LYST: variants seen among roughly 807,000 people sequenced by gnomAD.
LYST encodes the protein lysosomal-trafficking regulator.
Under a neutral mutation model 413.6 loss-of-function variants are expected in LYST, and 192 were observed. That is an observed-to-expected ratio of 0.46 (90% CI 0.41 to 0.52). LYST has a LOEUF of 0.52. LYST is among the 20% of genes least tolerant of loss of function. The probability of loss-of-function intolerance (pLI) is 0.00; values close to 1 mark genes in which losing one functional copy is unlikely to be tolerated. For missense variants in LYST, 3,815 were observed against 4,499.9 expected, an observed-to-expected ratio of 0.85 and a Z score of 4.35; for synonymous variants, 1,525 against 1,567.3, an observed-to-expected ratio of 0.97 and a Z score of 0.64.
intron 3 of LYST, among the ~76,000 whole-genome samples, chr1:235,816,905 A>AACT (rs1287417509): frequency 6.6e-6 from 1 of 152,262 alleles, no homozygotes; most frequent in African/African-American, 2.4e-5. Flanking sequence ...GCTTCTGCAC[A>AACT]GCAAAGGAAA....
intron 20 of LYST, 87 bp from the exon 21 acceptor site, chr1:235,766,364 G>C (rs940426424): frequency 2.5e-5 from 24 of 964,194 alleles, no homozygotes; most frequent in Non-Finnish European, 3.8e-5. Flanking sequence ...TTCTTTTTAA[G>C]ATAGAATTCT....
intron 10 of LYST, among the ~76,000 whole-genome samples, chr1:235,799,840 T>C (rs185849427): frequency 4.0e-5 from 6 of 150,928 alleles, no homozygotes; most frequent in Admixed American, 4.0e-4. Context: ...GCACTCTGGC[T>C]ATTTCATTGT....
At chr1:235,832,818 C>T (rs1676134691) in intron 2 of LYST, among the ~76,000 whole-genome samples, 2 of 152,020 alleles carry the variant, frequency 1.3e-5, no homozygotes, top group Non-Finnish European at 2.9e-5. Context: ...GTAGGTTTTA[C>T]ATATTTCTTG....
chr1:235,708,821 G>C (rs1370829391), intron 44 of LYST, among the ~76,000 whole-genome samples: 1 of 152,082 alleles, frequency 6.6e-6, no homozygotes, highest in Non-Finnish European at 1.5e-5. Flanking sequence ...TAATAAACCT[G>C]AGCTGGAAGG....
Position 235,806,419 on chromosome 1 carries a change from A to G in LYST, c.2717T>C (p.Phe906Ser). The change falls in exon 6 of 53, where the codon TTT becomes TCT. Residue 906 changes from phenylalanine to serine, a missense_variant. Coordinates refer to ENST00000389793, the MANE Select transcript of LYST (RefSeq NM_000081.4). ...NTINLFLCVAFLCVSKEAESD... is the reference protein window; with the variant it reads ...NTINLFLCVASLCVSKEAESD... ...CTCTGCTTCTTTACTTACGCATAAA[A>G]AAGCCACACAGAGGAATAGGTTTAT... The G allele has an allele frequency of 6.2e-7, 1 of 1,614,090 alleles. No homozygotes were observed. The highest frequency in any genetic ancestry group is 8.5e-7 in the Non-Finnish European group (1 of 1,180,002).
chr1:235,792,091 T>C lies in LYST; in HGVS notation c.4151A>G (p.Glu1384Gly), dbSNP rs1671065428. The change falls in exon 12 of 53, where the codon GAA becomes GGA. Residue 1384 changes from glutamate (E) to glycine (G), a missense_variant. Transcript: ENST00000389793. ...TGAAGGGCTCATAGTAGTATCACTT[T>C]CAATAATTTTCAGAATACCCAGAAG... ...ILLLGILKII[E>G]SDTTMSPSQY... 1 of 1,612,502 alleles carries C rather than the reference T, an allele frequency of 6.2e-7. No homozygotes were observed. Among genetic ancestry groups the C allele is most frequent in the Non-Finnish European group, 8.5e-7 (1 of 1,178,928 alleles).
chr1:235,770,292 A>T lies in LYST; in HGVS notation c.5790T>A (p.Gly1930=), dbSNP rs1211536809. The T allele has an allele frequency of 6.2e-7, 1 of 1,613,788 alleles. No homozygotes were observed. The change falls in exon 20 of 53, where the codon GGT becomes GGA. Residue 1930 remains glycine, a synonymous_variant. Coordinates refer to ENST00000389793, the MANE Select transcript of LYST (RefSeq NM_000081.4). ...DWKIWSKAEQ[G]VWETLLAALE... is the part of the protein sequence containing the mutation. ...GAGCTGCTAGCAAAGTTTCCCAAAC[A>T]CCTTGCTGAAGAGATAAACACACAC...
intron 26 of LYST, among the ~76,000 whole-genome samples, chr1:235,752,651 T>C (rs560136753): frequency 6.6e-6 from 1 of 152,152 alleles, no homozygotes; most frequent in South Asian, 2.1e-4. Flanking sequence ...CTAAAAGAGG[T>C]AATAGATTTG....
intron 45 of LYST, among the ~76,000 whole-genome samples, chr1:235,701,648 A>G (rs538512283): frequency 2.8e-4 from 42 of 152,260 alleles, no homozygotes; most frequent in Non-Finnish European, 2.9e-4. Flanking sequence ...CAATCAATCA[A>G]TCAAGTGACA....
At chr1:235,800,166 T>G (rs1432209971) in intron 10 of LYST, among the ~76,000 whole-genome samples, 154 bp downstream of exon 10, 1 of 151,390 alleles carries the variant, frequency 6.6e-6, no homozygotes, top group South Asian at 2.1e-4. Flanking sequence ...AGGCTGGTAT[T>G]GAACTCCCAG....
rs1412638695 is a variant in LYST, at chr1:235,739,131, T to A, written c.8358+2291A>T. ...TGGGAAAAACATCAATTCCTAAGGTTAGAAATAGGAATGGTTTGTAAAATC... is the reference window on the plus strand; with the variant it reads ...TGGGAAAAACATCAATTCCTAAGGTAAGAAATAGGAATGGTTTGTAAAATC... On this transcript the variant is annotated intron_variant, in intron 31 of 52. Transcript: ENST00000389793. 32 of 495,124 alleles carry A rather than the reference T, an allele frequency of 6.5e-5. No homozygotes were observed. In the East Asian group the frequency reaches 1.8e-3, roughly 27 times the overall value. The allele number at this position is 495,124 out of a possible 1,614,324, so 30.7% of individuals were successfully genotyped here.
At chr1:235,673,411 T>C (rs1475813529) in intron 50 of LYST, among the ~76,000 whole-genome samples, 3 of 152,076 alleles carry the variant, frequency 2.0e-5, no homozygotes, top group African/African-American at 4.8e-5. Flanking sequence ...CGCCCCCTTA[T>C]CCCGCCTATG....
rs1035473193 is a variant in LYST, at chr1:235,689,951, G to A, written c.10702-2904C>T. On this transcript the variant is annotated intron_variant, in intron 47 of 52. Transcript: ENST00000389793. Reference sequence around the variant, plus strand: ...ACTGGTGAAAATAAATTAGTGAATCGGAAAGCATCTTTAAAGTTATTTGTT... The same window carrying A: ...ACTGGTGAAAATAAATTAGTGAATCAGAAAGCATCTTTAAAGTTATTTGTT... 4.6e-5 allele frequency among the ~76,000 whole-genome samples: 7 copies of A among 152,084 alleles called. No individual in the cohort carries two copies. The East Asian group carries it at 5.8e-4, about 13-fold the overall frequency.
Position 235,799,567 on chromosome 1 carries a change from A to G in LYST, c.4006+753T>C, listed in dbSNP as rs114205329. Among the ~76,000 whole-genome samples the G allele has an allele frequency of 2.9e-3, 436 of 152,346 alleles. 2 individuals are homozygous for G. Among genetic ancestry groups the G allele is most frequent in the African/African-American group, 9.8e-3 (406 of 41,582 alleles). On this transcript the variant is annotated intron_variant, in intron 10 of 52. Transcript: ENST00000389793. Reference sequence around the variant, plus strand: ...GAATTTAATCATGAGAAAACATCATACAAACCAAAATTAAAGTCTCGTGTA... The same window carrying G: ...GAATTTAATCATGAGAAAACATCATGCAAACCAAAATTAAAGTCTCGTGTA...
At chr1:235,738,287 T>C (rs1019422273) in intron 31 of LYST, 6 of 1,611,728 alleles carry the variant, frequency 3.7e-6, no homozygotes, top group Non-Finnish European at 5.1e-6. Flanking sequence ...CTATCACGGC[T>C]GAGGCACATC....
chr1:235,720,269 C>G (rs1216223069), intron 40 of LYST, among the ~76,000 whole-genome samples: 1 of 147,606 alleles, frequency 6.8e-6, no homozygotes, highest in Non-Finnish European at 1.5e-5. Context: ...TTCAAGACAA[C>G]CAACTATAAA....
intron 40 of LYST, among the ~76,000 whole-genome samples, chr1:235,717,605 C>T (rs752327868): frequency 6.6e-5 from 10 of 152,232 alleles, no homozygotes; most frequent in Non-Finnish European, 1.3e-4. Context: ...AGGCATGGGA[C>T]CACCTGGATT....
At chr1:235,666,607 T>TACACACACACACACACAC (rs10635511) in intron 50 of LYST, among the ~76,000 whole-genome samples, 17 of 141,444 alleles carry the variant, frequency 1.2e-4, no homozygotes, top group East Asian at 4.7e-4. Flanking sequence ...CACACACACA[T>TACACACACACACACACAC]ACACACACAC....
exon 1 of LYST, chr1:235,883,373 T>C (rs1681460908): frequency 6.6e-6 from 1 of 152,622 alleles, no homozygotes; most frequent in Non-Finnish European, 1.5e-5. Context: ...TCCCCTGGCA[T>C]TGAGGAACAC....
Sources: gnomAD v4.1 joint callset for allele counts (sites outside exome capture counted in the v4.1 genomes callset) on GRCh38, gnomAD v4.1.1 for gene constraint, MANE v1.5 for transcripts, NCBI Gene and HGNC (gene_info 2026-07-23, HGNC 2026-07-21) for gene names.